The following UBE3A variants were observed in gnomAD, a reference collection of about 807,000 sequenced individuals.
UBE3A encodes the protein ubiquitin-protein ligase E3A.
A neutral mutation model predicts 83.4 loss-of-function variants in UBE3A; 6 were observed. The ratio of observed to expected loss-of-function variants is 0.07; its 90% CI spans 0.04 to 0.14. The LOEUF is 0.14. Ranked by LOEUF, UBE3A falls within the 10% of genes least tolerant of loss-of-function variation. The pLI is 1.00. For missense variants in UBE3A, 456 were observed against 1,036.1 expected (o/e 0.44, Z 7.69); for synonymous variants, 337 against 355.4 (o/e 0.95, Z 0.58).
At chr15:25,407,313 C>A in intron 3 of UBE3A, 1 of 1,013,290 alleles carries the variant, frequency 9.9e-7, no homozygotes, top group Non-Finnish European at 1.2e-6. Flanking sequence ...GGCAGCAAAA[C>A]TTTCAAAATT....
At chr15:25,364,800 C>T (rs994640038) in intron 6 of UBE3A, among the ~76,000 whole-genome samples, 2 of 151,872 alleles carry the variant, frequency 1.3e-5, no homozygotes, top group Non-Finnish European at 2.9e-5. Flanking sequence ...CCTGCCACCG[C>T]GCCTGGCTAT....
chr15:25,367,249 G>GTAAATATGTAAATATTTC (rs1566941812), intron 6 of UBE3A, among the ~76,000 whole-genome samples: 1 of 49,334 alleles, frequency 2.0e-5, no homozygotes, highest in Non-Finnish European at 4.4e-5. Context: ...GTAAATATTT[G>GTAAATATGTAAATATTTC]CATATTTGTA....
At position 25,405,454 on chromosome 15, in the gene UBE3A, C is replaced by T. The variant is rs1440979314; in HGVS notation, c.62+7G>A. 5.0e-6 allele frequency: 8 copies of T among 1,613,800 alleles called. No individual in the cohort carries two copies. Among genetic ancestry groups the T allele is most frequent in the African/African-American group, 1.3e-5 (1 of 75,000 alleles). On this transcript the variant is annotated splice_region_variant and intron_variant, in intron 4 of 12. Coordinates refer to ENST00000648336, the MANE Select transcript of UBE3A (RefSeq NM_130839.5). Reference sequence around the variant, plus strand: ...AAGAACCACAGTCTCAACCAAGTTACACTTACATTCGGCTAGCTTCAATGT... The same window carrying T: ...AAGAACCACAGTCTCAACCAAGTTATACTTACATTCGGCTAGCTTCAATGT...
intron 11 of UBE3A, chr15:25,345,601 TA>T (rs765862186): frequency 7.6e-6 from 1 of 130,948 alleles, no homozygotes; most frequent in Non-Finnish European, 1.7e-5. Flanking sequence ...AATAAATAAA[TA>T]ACAGAACAGA....
At chr15:25,378,115 GCC>G (rs1196122015) in intron 4 of UBE3A, among the ~76,000 whole-genome samples, 1 of 151,890 alleles carries the variant, frequency 6.6e-6, no homozygotes, top group South Asian at 2.1e-4. Flanking sequence ...GATTTGAATG[GCC>G]CCGAGATTTA....
chr15:25,398,931 A>G (rs1372879977), intron 4 of UBE3A, among the ~76,000 whole-genome samples: 1 of 150,642 alleles, frequency 6.6e-6, no homozygotes, highest in Non-Finnish European at 1.5e-5. Flanking sequence ...CATTCCTGCC[A>G]TGCGCAATAT....
intron 5 of UBE3A, among the ~76,000 whole-genome samples, chr15:25,372,452 T>C (rs1369651898): frequency 1.3e-5 from 2 of 152,166 alleles, no homozygotes; most frequent in Non-Finnish European, 2.9e-5. Context: ...CTAAATCTCA[T>C]AGAGTGACAG....
intron 4 of UBE3A, among the ~76,000 whole-genome samples, chr15:25,394,608 C>T (rs533132296): frequency 6.6e-5 from 10 of 152,310 alleles, no homozygotes; most frequent in Admixed American, 5.2e-4. Context: ...CTCAGCTCTC[C>T]TATCAAATTC....
rs1555401033 is a variant in UBE3A at position 25,371,667 on chromosome 15, T to C, written c.507A>G (p.Gln169=). The C allele has an allele frequency of 2.5e-6, 4 of 1,614,018 alleles. No individual in the cohort carries two copies. The highest frequency in any genetic ancestry group is 1.1e-5 in the South Asian group (1 of 91,086). The change falls in exon 6 of 13, where the codon CAA becomes CAG. Residue 169 remains glutamine, a synonymous_variant. Transcript: ENST00000648336. The surrounding 1 kb of genome is among the most constrained non-coding windows in gnomAD (Gnocchi z 5.3). ...ALVQSFRKVK[Q]HTKEELKSLQ... is the part of the protein sequence containing the mutation. ...GAGATTTCAGTTCTTCCTTGGTGTG[T>C]TGTTTAACTTTCCGGAAGCTCTGTA...
intron 4 of UBE3A, among the ~76,000 whole-genome samples, chr15:25,394,725 T>C (rs1281476544): frequency 1.3e-5 from 2 of 152,204 alleles, no homozygotes; most frequent in African/African-American, 4.8e-5. Context: ...TACATACTTA[T>C]CAGTTTATAT....
chr15:25,350,970 C>T (rs2076410761), intron 11 of UBE3A, among the ~76,000 whole-genome samples: 1 of 152,170 alleles, frequency 6.6e-6, no homozygotes, highest in South Asian at 2.1e-4. Flanking sequence ...ATAGTCTACA[C>T]CTTGACTGAA....
intron 5 of UBE3A, 84 bp downstream of exon 5, chr15:25,375,381 G>T: frequency 6.7e-7 from 1 of 1,493,368 alleles, no homozygotes; most frequent in South Asian, 1.3e-5. Flanking sequence ...TGTCACAGAA[G>T]AAAAAACAAA....
chr15:25,384,471 A>AG (rs2082744534), intron 4 of UBE3A, among the ~76,000 whole-genome samples: 1 of 151,640 alleles, frequency 6.6e-6, no homozygotes, highest in Admixed American at 6.6e-5. Flanking sequence ...AAAAAAAAAA[A>AG]AAAAGAAAAA....
chr15:25,377,093 A>C (rs537287723), intron 4 of UBE3A, among the ~76,000 whole-genome samples: 1 of 152,324 alleles, frequency 6.6e-6, no homozygotes, highest in East Asian at 1.9e-4. Context: ...GCTGATTTTC[A>C]AAACATTCAC....
At chr15:25,404,886 C>G (rs1209699098) in intron 4 of UBE3A, among the ~76,000 whole-genome samples, 3 of 152,132 alleles carry the variant, frequency 2.0e-5, no homozygotes, top group East Asian at 3.9e-4. Flanking sequence ...CTGCCTGATT[C>G]CCAGTCACAT....
rs200096757 is a variant in UBE3A, at chr15:25,403,725, A to G, written c.62+1736T>C. Among the ~76,000 whole-genome samples, 18 of 152,342 alleles carry G rather than the reference A, an allele frequency of 1.2e-4. No individual in the cohort carries two copies. The East Asian group carries it at 3.3e-3, about 28-fold the overall frequency. ...TGAGCGCTCATCAACAGGTAAATGG[A>G]TAAGCAAAATGTGGTATATACATAC... On this transcript the variant is annotated intron_variant, in intron 4 of 12. Transcript: ENST00000648336.
intron 1 of UBE3A, among the ~76,000 whole-genome samples, chr15:25,424,891 C>T (rs1458228418): frequency 1.3e-5 from 2 of 152,028 alleles, no homozygotes; most frequent in Admixed American, 1.3e-4. Flanking sequence ...AAAGATATCC[C>T]ATGCTCATGA....
chr15:25,436,787 G>C (rs1052170630), intron 1 of UBE3A, among the ~76,000 whole-genome samples: 2 of 152,110 alleles, frequency 1.3e-5, no homozygotes, highest in African/African-American at 4.8e-5. Context: ...ATTTAGGACA[G>C]ATAAAACATA....
chr15:25,370,419 AAAGTAT>A lies in UBE3A; in HGVS notation c.1608+141_1608+146del. 1.0e-6 allele frequency: 1 copy of A among 965,858 alleles called. No homozygotes were observed. Among genetic ancestry groups the A allele is most frequent in the Admixed American group, 2.0e-5 (1 of 49,076 alleles). The allele number at this position is 965,858 out of a possible 1,614,324, so 59.8% of individuals were successfully genotyped here. On this transcript the variant is annotated intron_variant, in intron 6 of 12. Coordinates refer to ENST00000648336, the MANE Select transcript of UBE3A (RefSeq NM_130839.5). The surrounding 1 kb of genome is among the most constrained non-coding windows in gnomAD (Gnocchi z 4.2). ...TCTATAAACTTGCACAGGAACAACA[AAAGTAT>A]AATACTTATATAAGATCAGAAATGT... is the stretch of plus-strand genomic sequence containing the variant.
Sources: allele counts gnomAD v4.1 joint callset (sites outside exome capture counted in the v4.1 genomes callset), GRCh38; gene constraint gnomAD v4.1.1; non-coding constraint Gnocchi (gnomAD v3.1); transcripts MANE v1.5; gene names NCBI Gene and HGNC (gene_info 2026-07-23, HGNC 2026-07-21).